The following CGGBP1 variants were observed in gnomAD, a reference collection of about 807,000 sequenced individuals.
CGGBP1 encodes the protein CGG triplet repeat binding protein 1.
A neutral mutation model predicts 11.4 loss-of-function variants in CGGBP1; 4 were observed. The ratio of observed to expected loss-of-function variants is 0.35; its 90% CI spans 0.17 to 0.80. The LOEUF (loss-of-function observed/expected upper bound fraction) is 0.80. Among genes scored for constraint, CGGBP1 ranks in the 30% least tolerant of loss-of-function variants. The probability of loss-of-function intolerance (pLI) is 0.52; values close to 1 mark genes in which losing one functional copy is unlikely to be tolerated. For missense variants in CGGBP1, 135 were observed against 202.1 expected (o/e 0.67, Z 2.01); for synonymous variants, 76 against 74.1 (o/e 1.03, Z -0.13).
upstream of CGGBP1, among the ~76,000 whole-genome samples, chr3:88,061,209 CA>C (rs1706862162): frequency 6.6e-6 from 1 of 152,002 alleles, no homozygotes; most frequent in African/African-American, 2.4e-5. Context: ...TTAATATATT[CA>C]GGGGCTGAAA....
chr3:88,086,538 A>G, intron 2 of CGGBP1: 1 of 792,344 alleles, frequency 1.3e-6, no homozygotes, highest in Non-Finnish European at 1.8e-6. Context: ...TTTTCACTGA[A>G]GTATTCAGGT....
At position 88,127,168 on chromosome 3, in the gene CGGBP1, A is replaced by G. The variant is rs574229051; in HGVS notation, c.-229+13802T>C. On this transcript the variant is annotated intron_variant, in intron 2 of 3. Coordinates refer to the CGGBP1 transcript ENST00000462901. ...TTTAGTTATGAGACAGCCAAGGGGAAAAAAACAAGACCTCCCAACCCTGGA... is the reference window on the plus strand; with the variant it reads ...TTTAGTTATGAGACAGCCAAGGGGAGAAAAACAAGACCTCCCAACCCTGGA... Among the ~76,000 whole-genome samples the G allele has an allele frequency of 1.1e-3, 166 of 152,306 alleles. 1 individual carries two copies. The highest frequency in any genetic ancestry group is 3.9e-3 in the African/African-American group (163 of 41,574).
chr3:88,076,740 A>G (rs574587343), intron 2 of CGGBP1, among the ~76,000 whole-genome samples: 98 of 152,320 alleles, frequency 6.4e-4, no homozygotes, highest in Non-Finnish European at 1.0e-3. Context: ...TTTATGACGG[A>G]AGCATTTAAT....
At chr3:88,099,422 A>G (rs527299896) in intron 2 of CGGBP1, among the ~76,000 whole-genome samples, 2 of 152,352 alleles carry the variant, frequency 1.3e-5, no homozygotes, top group East Asian at 1.9e-4. Context: ...TATAGATTCA[A>G]TGCCATTCCC....
intron 2 of CGGBP1, among the ~76,000 whole-genome samples, chr3:88,075,702 T>A (rs1707761951): frequency 1.3e-5 from 2 of 152,252 alleles, no homozygotes; most frequent in Non-Finnish European, 2.9e-5. Flanking sequence ...CAGCTGGTTT[T>A]TGTGTTTGTT....
intron 1 of CGGBP1, among the ~76,000 whole-genome samples, chr3:88,149,110 A>G (rs991605562): frequency 9.2e-5 from 14 of 152,342 alleles, no homozygotes; most frequent in African/African-American, 3.1e-4. Context: ...TTAACAGAGC[A>G]TGACTATTTC....
intron 2 of CGGBP1, among the ~76,000 whole-genome samples, chr3:88,097,180 T>A (rs55936434): frequency 0.15 from 22,625 of 152,082 alleles, 1,762 homozygotes; most frequent in African/African-American, 0.18. Context: ...CTTAGATGTA[T>A]CCTAGGAGTA....
intron 2 of CGGBP1, among the ~76,000 whole-genome samples, chr3:88,068,202 C>T (rs1244986585): frequency 1.3e-5 from 2 of 150,730 alleles, no homozygotes; most frequent in Non-Finnish European, 2.9e-5. Flanking sequence ...TTAGTATGTA[C>T]CTTTGTTCAT....
chr3:88,094,460 G>C (rs1703937264), intron 2 of CGGBP1, among the ~76,000 whole-genome samples: 1 of 152,104 alleles, frequency 6.6e-6, no homozygotes, highest in Admixed American at 6.6e-5. Flanking sequence ...CAGGGGAAAA[G>C]AAATACCCTG....
chr3:88,143,594 G>A (rs1202973546), intron 1 of CGGBP1: 1 of 152,138 alleles, frequency 6.6e-6, no homozygotes, highest in Non-Finnish European at 1.5e-5. Context: ...TTTTCCACAA[G>A]TTGTAACAAT....
intron 1 of CGGBP1, chr3:88,143,051 C>T (rs1056358955): frequency 6.6e-6 from 1 of 152,042 alleles, no homozygotes; most frequent in African/African-American, 2.4e-5. Context: ...TCCTAATGTC[C>T]CAATGTCAAA....
intron 2 of CGGBP1, among the ~76,000 whole-genome samples, chr3:88,127,446 TAAAAAAAA>T (rs71131550): frequency 6.8e-6 from 1 of 147,608 alleles, no homozygotes; most frequent in Non-Finnish European, 1.5e-5. Context: ...GAAAGGGAGT[TAAAAAAAA>T]AACTAAAAGG....
At chr3:88,130,260 C>A (rs745491753) in intron 2 of CGGBP1, among the ~76,000 whole-genome samples, 1 of 152,144 alleles carries the variant, frequency 6.6e-6, no homozygotes. Context: ...CCCATATACA[C>A]ACATACACAC....
At chr3:88,082,478 A>T (rs1043181191) in intron 2 of CGGBP1, among the ~76,000 whole-genome samples, 1 of 152,190 alleles carries the variant, frequency 6.6e-6, no homozygotes, top group African/African-American at 2.4e-5. Context: ...TGATGAACTT[A>T]ATATTAGTGA....
intron 2 of CGGBP1, among the ~76,000 whole-genome samples, chr3:88,131,478 T>C (rs1706460160): frequency 6.6e-6 from 1 of 152,180 alleles, no homozygotes; most frequent in South Asian, 2.1e-4. Flanking sequence ...GTTCTTTCAT[T>C]GTAATATACT....
chr3:88,130,444 T>G (rs896477178), intron 2 of CGGBP1, among the ~76,000 whole-genome samples: 2 of 152,000 alleles, frequency 1.3e-5, no homozygotes, highest in Non-Finnish European at 2.9e-5. Flanking sequence ...TTCTTGGTTA[T>G]TTTTTGTTTT....
At chr3:88,059,639 T>G, upstream of CGGBP1, 52 of 967,370 alleles carry the variant, frequency 5.4e-5, no homozygotes, top group Admixed American at 1.7e-4. Context: ...AGGCTGAAGC[T>G]CCCTCCTCCA....
chr3:88,128,630 C>A (rs7621357), intron 2 of CGGBP1, among the ~76,000 whole-genome samples: 142,915 of 152,126 alleles, frequency 0.94, 67,671 homozygotes, highest in Non-Finnish European at 1. Context: ...TGTCACTCTT[C>A]TTTTCCTTTT....
Position 88,055,213 on chromosome 3 carries a change from T to A in CGGBP1, c.*260A>T. The A allele has an allele frequency of 3.2e-6, 1 of 314,030 alleles. No individual in the cohort carries two copies. The highest frequency in any genetic ancestry group is 5.8e-6 in the Non-Finnish European group (1 of 172,938). The allele number at this position is 314,030 out of a possible 1,614,324, so 19.5% of individuals were successfully genotyped here. A position where few individuals can be genotyped will look rare whatever the true frequency, so the allele number is the denominator to read the frequency against. Reference sequence around the variant, plus strand: ...ACAAACATTTCAGGAGAAAAACCATTAATTTTAAAGATAACCATCAGGTTT... The same window carrying A: ...ACAAACATTTCAGGAGAAAAACCATAAATTTTAAAGATAACCATCAGGTTT... On this transcript the variant is annotated 3_prime_UTR_variant, in exon 4 of 4. Transcript: ENST00000482016. The surrounding 1 kb of genome is among the most constrained non-coding windows in gnomAD (Gnocchi z 4.2).
Sources: gnomAD v4.1 joint callset for allele counts (sites outside exome capture counted in the v4.1 genomes callset) on GRCh38, gnomAD v4.1.1 for gene constraint, Gnocchi (gnomAD v3.1) non-coding constraint, MANE v1.5 for transcripts, NCBI Gene and HGNC (gene_info 2026-07-23, HGNC 2026-07-21) for gene names.